ABCB4: variants seen among roughly 807,000 people sequenced by gnomAD.
ABCB4 encodes the protein phosphatidylcholine translocator ABCB4.
Under a neutral mutation model 145.7 loss-of-function variants are expected in ABCB4, and 76 were observed. The ratio of observed to expected loss-of-function variants is 0.52; its 90% CI spans 0.43 to 0.63. The LOEUF (loss-of-function observed/expected upper bound fraction) is 0.63, where lower values mean the gene tolerates loss of function less well. ABCB4 is among the 30% of genes least tolerant of loss of function. ABCB4 has a pLI of 0.00. For missense variants in ABCB4, 1,234 were observed against 1,553.1 expected (o/e 0.79, Z 3.45); for synonymous variants, 517 against 566.8 (o/e 0.91, Z 1.25).
intron 15 of ABCB4, among the ~76,000 whole-genome samples, chr7:87,430,041 T>G (rs902713405): frequency 6.6e-6 from 1 of 152,216 alleles, no homozygotes; most frequent in Non-Finnish European, 1.5e-5. Context: ...TCTAAACTTA[T>G]AGCAACCTCT....
the ABCB4 span, among the ~76,000 whole-genome samples, chr7:87,388,021 G>A: frequency 6.6e-6 from 1 of 152,048 alleles, no homozygotes; most frequent in African/African-American, 2.4e-5. Flanking sequence ...AGTTTTGGTG[G>A]GTCTATTACT....
rs754443964 is a variant in ABCB4 at position 87,420,139 on chromosome 7, C to T, written c.2317-64G>A. On this transcript the variant is annotated intron_variant, in intron 18 of 27. Coordinates refer to ENST00000649586, the MANE Select transcript of ABCB4 (RefSeq NM_000443.4). ...ATGTATGTAATTGCACCAGACCAAT[C>T]ATGTTCAACTTTTATGTAGCAAAGT... The T allele has an allele frequency of 1.8e-4, 264 of 1,484,090 alleles. 1 individual carries two copies. Among genetic ancestry groups the T allele is most frequent in the Non-Finnish European group, 1.7e-4 (179 of 1,062,022 alleles). 91.9% of individuals were successfully genotyped at this position (1,484,090 alleles called of 1,614,324 possible).
chr7:87,378,280 A>T, the ABCB4 span, among the ~76,000 whole-genome samples: 2 of 141,464 alleles, frequency 1.4e-5, no homozygotes, highest in South Asian at 2.4e-4. Flanking sequence ...TGGGAGGTTG[A>T]GGGTGCAGTG....
At chr7:87,398,440 C>T, downstream of ABCB4, 1 of 1,477,582 alleles carries the variant, frequency 6.8e-7, no homozygotes, top group Non-Finnish European at 9.4e-7. Context: ...TATGAATATC[C>T]AGATGAAATA....
rs201059673 is a variant in ABCB4 at position 87,437,518 on chromosome 7, A to AAAT, written c.1731+2146_1731+2148dup. 9.7e-3 allele frequency among the ~76,000 whole-genome samples: 1,479 copies of AAAT among 152,218 alleles called. 23 individuals carry two copies. Among genetic ancestry groups the AAAT allele is most frequent in the African/African-American group, 0.034 (1,405 of 41,526 alleles). ...ATAGGTAACCAATTTAGCAACCAAA[A>AAAT]AATAATAATAATAATAATCCTGGTA... is the stretch of plus-strand genomic sequence containing the variant. On this transcript the variant is annotated intron_variant, in intron 14 of 27. Coordinates refer to ENST00000649586, the MANE Select transcript of ABCB4 (RefSeq NM_000443.4).
At chr7:87,366,423 C>G in the ABCB4 span, among the ~76,000 whole-genome samples, 1 of 152,116 alleles carries the variant, frequency 6.6e-6, no homozygotes, top group African/African-American at 2.4e-5. Context: ...CCTGCCCATT[C>G]CCCTTCATCT....
intron 23 of ABCB4, among the ~76,000 whole-genome samples, chr7:87,410,796 G>A (rs748374896): frequency 6.6e-6 from 1 of 152,210 alleles, no homozygotes; most frequent in Non-Finnish European, 1.5e-5. Flanking sequence ...GGAAGGCACA[G>A]CAGAGGATAG....
At chr7:87,423,642 A>C in intron 17 of ABCB4, 2 of 460,900 alleles carry the variant, frequency 4.3e-6, no homozygotes, top group Non-Finnish European at 8.0e-6. Flanking sequence ...GTCTGACACC[A>C]GTTTCACCAA....
At chr7:87,420,943 C>T (rs878916614) in intron 18 of ABCB4, among the ~76,000 whole-genome samples, 5 of 152,182 alleles carry the variant, frequency 3.3e-5, no homozygotes, top group African/African-American at 9.7e-5. Flanking sequence ...GTCCTACACA[C>T]GAATTCATTT....
chr7:87,375,957 C>T, the ABCB4 span: 9 of 1,524,550 alleles, frequency 5.9e-6, no homozygotes, highest in Admixed American at 9.7e-5. Context: ...TTCTGAGGTA[C>T]TTAACTACCT....
intron 12 of ABCB4, among the ~76,000 whole-genome samples, chr7:87,442,689 G>C (rs1284766807): frequency 6.6e-6 from 1 of 152,006 alleles, no homozygotes; most frequent in African/African-American, 2.4e-5. Flanking sequence ...AGATGATAAA[G>C]CAAGTGGGTC....
the ABCB4 span, chr7:87,392,839 G>T: frequency 6.2e-7 from 1 of 1,610,342 alleles, no homozygotes; most frequent in Admixed American, 1.7e-5. Flanking sequence ...ATAGTGTAGT[G>T]TTTTACAGCT....
At chr7:87,448,974 TA>T (rs1435653268) in intron 8 of ABCB4, among the ~76,000 whole-genome samples, 1 of 152,196 alleles carries the variant, frequency 6.6e-6, no homozygotes, top group Non-Finnish European at 1.5e-5. Context: ...GTTATTTAAA[TA>T]AAACCCTAAG....
intron 7 of ABCB4, among the ~76,000 whole-genome samples, chr7:87,450,635 T>A (rs1811656431): frequency 6.6e-6 from 1 of 152,116 alleles, no homozygotes; most frequent in Admixed American, 6.5e-5. Flanking sequence ...CACGCCTGGC[T>A]AATTATTTGT....
At chr7:87,392,793 A>C in the ABCB4 span, 19 of 1,613,630 alleles carry the variant, frequency 1.2e-5, no homozygotes, top group Non-Finnish European at 8.5e-7. Flanking sequence ...CCTGTTCCAG[A>C]ACTCTTTACG....
intron 23 of ABCB4, among the ~76,000 whole-genome samples, chr7:87,411,027 C>A (rs1276102969): frequency 3.9e-5 from 6 of 152,140 alleles, no homozygotes; most frequent in African/African-American, 1.4e-4. Context: ...CTTACCTTAA[C>A]ACTTTCCAGG....
At chr7:87,407,984 G>T in intron 25 of ABCB4, 53 bp downstream of exon 25, 1 of 1,602,390 alleles carries the variant, frequency 6.2e-7, no homozygotes. Context: ...GACAATATTG[G>T]TTGGGCCAAT....
At chr7:87,371,007 A>T in the ABCB4 span, among the ~76,000 whole-genome samples, 2 of 152,216 alleles carry the variant, frequency 1.3e-5, no homozygotes, top group Non-Finnish European at 2.9e-5. Context: ...TACACAGAGT[A>T]GAAGATGTTT....
At chr7:87,419,951 G>A in intron 19 of ABCB4, 47 bp downstream of exon 19, 1 of 1,563,108 alleles carries the variant, frequency 6.4e-7, no homozygotes, top group Non-Finnish European at 8.8e-7. Context: ...GCTTAATATG[G>A]AAGAAATGTG....
Sources: gnomAD v4.1 joint callset for allele counts (sites outside exome capture counted in the v4.1 genomes callset) on GRCh38, gnomAD v4.1.1 for gene constraint, MANE v1.5 for transcripts, NCBI Gene and HGNC (gene_info 2026-07-23, HGNC 2026-07-21) for gene names.